CYTH1: variants seen among roughly 807,000 people sequenced by gnomAD.
The protein encoded by CYTH1 is cytohesin-1.
A neutral mutation model predicts 61.8 loss-of-function variants in CYTH1; 18 were observed. The observed-to-expected ratio is 0.29, with a 90% confidence interval of 0.20 to 0.43. CYTH1 has a LOEUF of 0.43. Among genes scored for constraint, CYTH1 ranks in the 20% least tolerant of loss-of-function variants. The probability of loss-of-function intolerance (pLI) is 1.00; values close to 1 mark genes in which losing one functional copy is unlikely to be tolerated. For missense variants in CYTH1, 336 were observed against 510.5 expected (o/e 0.66, Z 3.29); for synonymous variants, 174 against 184.3 (o/e 0.94, Z 0.45).
At chr17:78,781,131 T>C (rs955349519) in intron 1 of CYTH1, among the ~76,000 whole-genome samples, 1 of 151,296 alleles carries the variant, frequency 6.6e-6, no homozygotes, top group Non-Finnish European at 1.5e-5. Context: ...ATCACGCCAC[T>C]GTGCTCCAGC....
At chr17:78,773,085 G>A (rs906801567) in intron 1 of CYTH1, among the ~76,000 whole-genome samples, 2 of 151,958 alleles carry the variant, frequency 1.3e-5, no homozygotes, top group African/African-American at 4.8e-5. Context: ...TGCCCACCTC[G>A]ACCTCCCAAA....
chr17:78,690,485 G>C (rs1471129117), intron 11 of CYTH1, among the ~76,000 whole-genome samples: 1 of 141,206 alleles, frequency 7.1e-6, no homozygotes, highest in East Asian at 2.2e-4. Flanking sequence ...TTCAAGACCA[G>C]CCTGGCCAAC....
intron 12 of CYTH1, among the ~76,000 whole-genome samples, chr17:78,680,690 T>A (rs1370372860): frequency 6.6e-6 from 1 of 152,144 alleles, no homozygotes; most frequent in Admixed American, 6.5e-5. Context: ...CCCAAGGGTA[T>A]AAACTACATA....
At chr17:78,689,658 T>C (rs558531634) in intron 11 of CYTH1, among the ~76,000 whole-genome samples, 1 of 152,260 alleles carries the variant, frequency 6.6e-6, no homozygotes, top group East Asian at 1.9e-4. Flanking sequence ...AGGACCCCTG[T>C]ATTTGGGGAT....
At chr17:78,770,368 A>C (rs1185485613) in intron 1 of CYTH1, among the ~76,000 whole-genome samples, 3 of 142,072 alleles carry the variant, frequency 2.1e-5, no homozygotes, top group Non-Finnish European at 4.7e-5. Context: ...AAAAAAAAAA[A>C]CAAAGAAATC....
chr17:78,698,148 CGCACACAT>C, intron 9 of CYTH1, 113 bp downstream of exon 9: 1 of 822,144 alleles, frequency 1.2e-6, no homozygotes, highest in Admixed American at 2.2e-5. Context: ...CACACGCACG[CGCACACAT>C]GCACACGCAC....
chr17:78,701,732 C>G lies in CYTH1; in HGVS notation c.376G>C (p.Val126Leu). Residue 126 changes from valine (V) to leucine (L), a missense_variant, in exon 6 of 14, where the codon GTT (valine) becomes CTT (leucine). Val to Leu is a conservative substitution (Grantham distance 32). This residue lies in a region of CYTH1 where 125 missense variants were observed against 209.9 expected (regional missense o/e 0.60). Transcript: ENST00000446868. ...LGERDEFNIQVLHAFVELHEF... is the reference protein window; with the variant it reads ...LGERDEFNIQLLHAFVELHEF... ...TGCAGCTCCACAAATGCATGAAGAA[C>G]CTGGATATTAAACTCATCTCTATCG... is the stretch of plus-strand genomic sequence containing the variant. The G allele has an allele frequency of 6.2e-7, 1 of 1,614,096 alleles. No homozygotes were observed. The highest frequency in any genetic ancestry group is 8.5e-7 in the Non-Finnish European group (1 of 1,180,012).
intron 1 of CYTH1, among the ~76,000 whole-genome samples, chr17:78,772,399 C>G (rs558708035): frequency 1.3e-3 from 202 of 152,116 alleles, no homozygotes; most frequent in Non-Finnish European, 2.4e-3. Context: ...GAATAAGTGT[C>G]CTAACTGATC....
In CYTH1 at chr17:78,767,180, C is replaced by A. The variant is rs751482133; in HGVS notation, c.22+15022G>T. The stretch of plus-strand genomic sequence containing the variant: ...TGCCTGTTGGGTTTGCTCAAAAGTA[C>A]GTCTCAGCCGGGCATGGTGTCTCAC... On this transcript the variant is annotated intron_variant, in intron 1 of 13. Coordinates refer to ENST00000446868, the MANE Select transcript of CYTH1 (RefSeq NM_004762.6). Among the ~76,000 whole-genome samples, 2 of 152,118 alleles carry A rather than the reference C, an allele frequency of 1.3e-5. 1 individual carries two copies. The highest frequency in any genetic ancestry group is 4.8e-5 in the African/African-American group (2 of 41,424).
chr17:78,733,768 C>T (rs546649217), intron 1 of CYTH1, among the ~76,000 whole-genome samples: 7 of 152,348 alleles, frequency 4.6e-5, no homozygotes, highest in Admixed American at 1.3e-4. Flanking sequence ...TGGTGTATAC[C>T]AAGCAAGATA....
At chr17:78,766,435 A>T (rs903780468) in intron 1 of CYTH1, among the ~76,000 whole-genome samples, 3 of 152,192 alleles carry the variant, frequency 2.0e-5, no homozygotes, top group Admixed American at 1.3e-4. Flanking sequence ...ATCAAAGGCC[A>T]GGCTGAGTAA....
At chr17:78,775,809 A>G (rs1166381243) in intron 1 of CYTH1, among the ~76,000 whole-genome samples, 1 of 152,224 alleles carries the variant, frequency 6.6e-6, no homozygotes, top group Non-Finnish European at 1.5e-5. Flanking sequence ...TGCATTTGCT[A>G]TAATGAACAT....
chr17:78,767,471 CT>C (rs765572159), intron 1 of CYTH1, among the ~76,000 whole-genome samples: 1 of 152,150 alleles, frequency 6.6e-6, no homozygotes, highest in Non-Finnish European at 1.5e-5. Flanking sequence ...TCTTAAAATT[CT>C]TCACAGCCTG....
chr17:78,736,387 A>G (rs531807919), intron 1 of CYTH1, among the ~76,000 whole-genome samples: 8 of 151,890 alleles, frequency 5.3e-5, no homozygotes, highest in Non-Finnish European at 1.0e-4. Context: ...AGTTACCTTA[A>G]TATCTCTCTC....
chr17:78,690,655 C>G (rs2092875066), intron 11 of CYTH1, among the ~76,000 whole-genome samples: 1 of 151,296 alleles, frequency 6.6e-6, no homozygotes, highest in African/African-American at 2.4e-5. Context: ...AAGATCACAC[C>G]ACCACTACAC....
intron 1 of CYTH1, among the ~76,000 whole-genome samples, chr17:78,732,169 C>T (rs184883028): frequency 2.7e-4 from 41 of 152,314 alleles, no homozygotes; most frequent in African/African-American, 9.4e-4. Context: ...CTCTTAATGC[C>T]CAGACCTGTG....
At chr17:78,719,516 T>TC (rs112435306) in intron 1 of CYTH1, among the ~76,000 whole-genome samples, 17 of 152,316 alleles carry the variant, frequency 1.1e-4, no homozygotes, top group African/African-American at 4.1e-4. Context: ...GGAACTTTTT[T>TC]CCCCTCACTG....
chr17:78,687,462 A>C (rs1463463465), intron 11 of CYTH1, among the ~76,000 whole-genome samples: 1 of 152,162 alleles, frequency 6.6e-6, no homozygotes, highest in Non-Finnish European at 1.5e-5. Flanking sequence ...TTGCGATCTC[A>C]AGCAGTTGAT....
At chr17:78,709,763 A>T (rs1340058371) in intron 1 of CYTH1, 31 bp from the exon 2 acceptor site, 1 of 1,607,828 alleles carries the variant, frequency 6.2e-7, no homozygotes, top group Non-Finnish European at 8.5e-7. Flanking sequence ...GTTACAAGAA[A>T]GCTTTTATCT....
Sources: gnomAD v4.1 joint callset for allele counts (sites outside exome capture counted in the v4.1 genomes callset) on GRCh38, gnomAD v4.1.1 for gene constraint, gnomAD v4.1.1 regional missense constraint, MANE v1.5 for transcripts, NCBI Gene and HGNC (gene_info 2026-07-23, HGNC 2026-07-21) for gene names.